The following DNAH12 variants were observed in gnomAD, a reference collection of about 807,000 sequenced individuals.
The protein encoded by DNAH12 is axonemal beta dynein heavy chain 12.
DNAH12 carries 285 observed loss-of-function variants against 371.5 expected under a neutral mutation model. The ratio of observed to expected loss-of-function variants is 0.77; its 90% CI spans 0.70 to 0.85. The LOEUF (loss-of-function observed/expected upper bound fraction) is 0.85, where lower values mean the gene tolerates loss of function less well. Ranked by LOEUF, DNAH12 falls within the 40% of genes least tolerant of loss-of-function variation. The pLI is 0.00. For synonymous variants in DNAH12, 1,200 were observed against 1,213.0 expected (o/e 0.99, Z 0.22); for missense variants, 3,611 against 3,689.4 (o/e 0.98, Z 0.55).
rs760220659 is a variant in DNAH12 at position 57,446,198 on chromosome 3, A to C, written c.4012T>G (p.Leu1338Val). Residue 1338 changes from leucine to valine, a missense_variant, in exon 27 of 74, where the codon TTG becomes GTG. Around this residue, in one of 3 missense-constraint regions of DNAH12, gnomAD observed 2,266 missense variants for 2,236.9 expected, o/e 1.01. Coordinates refer to ENST00000495027, the MANE Select transcript of DNAH12 (RefSeq NM_001366028.2). ...DEFNRIELEVLSVVAQQILCI... is the reference protein window; with the variant it reads ...DEFNRIELEVVSVVAQQILCI... ...AGGATCTGTTGAGCTACCACTGACA[A>C]CACTTCCAACTCAATTCGATTGAAT... is the stretch of plus-strand genomic sequence containing the variant. 3 of 1,551,810 alleles carry C rather than the reference A, an allele frequency of 1.9e-6. No individual in the cohort carries two copies. The highest frequency in any genetic ancestry group is 1.2e-5 in the South Asian group (1 of 84,054).
chr3:57,379,842 C>CAAAAAAA (rs1170490495), intron 51 of DNAH12, among the ~76,000 whole-genome samples: 8 of 22,368 alleles, frequency 3.6e-4, no homozygotes, highest in Admixed American at 6.9e-4. Flanking sequence ...CTCTGTCTCC[C>CAAAAAAA]AAAAAAAAAA....
At chr3:57,303,210 G>T (rs1041395957) in intron 69 of DNAH12, among the ~76,000 whole-genome samples, 1 of 151,158 alleles carries the variant, frequency 6.6e-6, no homozygotes, top group Non-Finnish European at 1.5e-5. Context: ...GTGGTGGTGG[G>T]CGCCTGTAGT....
At chr3:57,321,176 G>A (rs2061796631) in intron 65 of DNAH12, among the ~76,000 whole-genome samples, 1 of 152,002 alleles carries the variant, frequency 6.6e-6, no homozygotes, top group African/African-American at 2.4e-5. Flanking sequence ...CTCAAACTCT[G>A]GATGAGGATT....
At position 57,513,701 on chromosome 3, in the gene DNAH12, C is replaced by T. The variant is rs376561181; in HGVS notation, c.280-2722G>A. Reference sequence around the variant, plus strand: ...AATGGCACTTAAACCATATTTTAAACGTATAATCTTATTCATAATTACAGA... The same window carrying T: ...AATGGCACTTAAACCATATTTTAAATGTATAATCTTATTCATAATTACAGA... On this transcript the variant is annotated intron_variant, in intron 4 of 73. Transcript: ENST00000495027. 5.9e-5 allele frequency among the ~76,000 whole-genome samples: 9 copies of T among 152,080 alleles called. No homozygotes were observed. The East Asian group carries it at 9.7e-4, about 16-fold the overall frequency.
In DNAH12 at chr3:57,502,402, C is replaced by T. The variant is rs757484307; in HGVS notation, c.1164G>A (p.Val388=). ...TCAGTGTATCAACAGCCCAGTGTAACACGTGTTCAGGAAGTTCTGTGTCAA... is the reference window on the plus strand; with the variant it reads ...TCAGTGTATCAACAGCCCAGTGTAATACGTGTTCAGGAAGTTCTGTGTCAA... The part of the protein sequence containing the change: ...VNLDTELPEH[V]LHWAVDTLKA... Residue 388 remains valine, a synonymous_variant, in exon 10 of 74, where the codon GTG becomes GTA. Transcript: ENST00000495027. The T allele has an allele frequency of 6.2e-7, 1 of 1,614,024 alleles. No individual in the cohort carries two copies. Among genetic ancestry groups the T allele is most frequent in the Non-Finnish European group, 8.5e-7 (1 of 1,180,024 alleles).
rs144781906 is a variant in DNAH12, at chr3:57,448,439, C to G, written c.3787-1750G>C. Among the ~76,000 whole-genome samples, 72 of 151,600 alleles carry G rather than the reference C, an allele frequency of 4.7e-4. No individual in the cohort carries two copies. In the East Asian group the frequency reaches 0.011, roughly 23 times the overall value. On this transcript the variant is annotated intron_variant, in intron 25 of 73. Transcript: ENST00000495027. ...GAGTGTTAAAGCTCTTAATGCAGCA[C>G]GTCTGGAGTTGTTCGTTCCTCCCAG...
At chr3:57,433,961 T>C (rs758310970) in intron 30 of DNAH12, 133 bp from the exon 31 acceptor site, 2 of 729,628 alleles carry the variant, frequency 2.7e-6, no homozygotes, top group Non-Finnish European at 4.0e-6. Flanking sequence ...TTCTCAGACA[T>C]GAAGAAAACA....
chr3:57,385,278 C>A (rs1173577195), intron 48 of DNAH12, 71 bp downstream of exon 48: 2 of 152,148 alleles, frequency 1.3e-5, no homozygotes, highest in African/African-American at 2.4e-5. Flanking sequence ...AAAACATTAA[C>A]CCTTATTTTC....
chr3:57,466,648 G>T (rs1357111265), intron 17 of DNAH12, among the ~76,000 whole-genome samples: 1 of 152,186 alleles, frequency 6.6e-6, no homozygotes, highest in Non-Finnish European at 1.5e-5. Context: ...GTGGAGAACT[G>T]TGCTATAACT....
intron 23 of DNAH12, 92 bp from the exon 24 acceptor site, chr3:57,453,495 A>G (rs2065817037): frequency 8.8e-7 from 1 of 1,141,820 alleles, no homozygotes; most frequent in African/African-American, 1.6e-5. Flanking sequence ...AACAATTCTG[A>G]CTTCTTAATC....
intron 40 of DNAH12, among the ~76,000 whole-genome samples, chr3:57,407,319 G>A (rs1553681643): frequency 6.6e-6 from 1 of 150,528 alleles, no homozygotes; most frequent in Non-Finnish European, 1.5e-5. Context: ...GGAGGTGGCA[G>A]GGATGCTTTC....
rs116272714 is a variant in DNAH12, at chr3:57,489,426, C to T, written c.1514+83G>A. 1.7e-3 allele frequency: 2,263 copies of T among 1,345,532 alleles called. 41 individuals carry two copies. The African/African-American group carries it at 0.031, about 19-fold the overall frequency. 83.3% of individuals were successfully genotyped at this position (1,345,532 alleles called of 1,614,324 possible). A position where few individuals can be genotyped will look rare whatever the true frequency, so the allele number is the denominator to read the frequency against. ...GTTGTACGTACTTACATATTTTAAG[C>T]TTTTGTTTTTAAACAAGAGTTACTT... On this transcript the variant is annotated intron_variant, in intron 12 of 73. Transcript: ENST00000495027.
intron 62 of DNAH12, among the ~76,000 whole-genome samples, chr3:57,325,022 G>T (rs1397619402): frequency 6.6e-6 from 1 of 152,194 alleles, no homozygotes; most frequent in Non-Finnish European, 1.5e-5. Context: ...TGGGGAAGGG[G>T]CGCCCGCCAT....
chr3:57,554,719 G>A, the DNAH12 span, among the ~76,000 whole-genome samples: 3 of 152,034 alleles, frequency 2.0e-5, no homozygotes, highest in Non-Finnish European at 2.9e-5. Flanking sequence ...AGGTTCAAGC[G>A]ATTCTCCTGC....
chr3:57,446,864 A>C (rs1212063262), intron 25 of DNAH12, among the ~76,000 whole-genome samples, 175 bp from the exon 26 acceptor site: 3 of 152,238 alleles, frequency 2.0e-5, no homozygotes, highest in African/African-American at 7.2e-5. Context: ...AAGCATTTTA[A>C]AACGTTCAAA....
intron 43 of DNAH12, among the ~76,000 whole-genome samples, chr3:57,395,459 C>A (rs1475920186): frequency 6.6e-6 from 1 of 152,118 alleles, no homozygotes; most frequent in Non-Finnish European, 1.5e-5. Flanking sequence ...TATTTTCACT[C>A]CATAAAATAA....
intron 16 of DNAH12, 78 bp from the exon 17 acceptor site, chr3:57,469,057 C>T: frequency 7.3e-7 from 1 of 1,377,114 alleles, no homozygotes; most frequent in Non-Finnish European, 9.6e-7. Context: ...TAGGCTAGAC[C>T]CCTTGTTTTT....
chr3:57,531,810 T>G (rs1337484355), intron 2 of DNAH12, among the ~76,000 whole-genome samples: 1 of 151,556 alleles, frequency 6.6e-6, no homozygotes, highest in Non-Finnish European at 1.5e-5. Flanking sequence ...GTCATCTTCT[T>G]TGGGTTAAAT....
chr3:57,464,068 G>C (rs776222741), intron 17 of DNAH12, among the ~76,000 whole-genome samples: 9 of 152,042 alleles, frequency 5.9e-5, no homozygotes, highest in Admixed American at 1.3e-4. Context: ...CCAACTCACT[G>C]TTTCTACCCT....
Sources: gnomAD v4.1 joint callset for allele counts (sites outside exome capture counted in the v4.1 genomes callset) on GRCh38, gnomAD v4.1.1 for gene constraint, gnomAD v4.1.1 regional missense constraint, MANE v1.5 for transcripts, NCBI Gene and HGNC (gene_info 2026-07-23, HGNC 2026-07-21) for gene names.